The following MAST4 variants were observed in gnomAD, a reference collection of about 807,000 sequenced individuals.
MAST4 encodes the protein microtubule associated serine/threonine kinase family member 4, also known as microtubule-associated serine/threonine-protein kinase 4.
MAST4 carries 89 observed loss-of-function variants against 162.7 expected under a neutral mutation model. That is an observed-to-expected ratio of 0.55 (90% CI 0.46 to 0.65). The LOEUF (loss-of-function observed/expected upper bound fraction) is 0.65. Ranked by LOEUF, MAST4 falls within the 30% of genes least tolerant of loss-of-function variation. The probability of loss-of-function intolerance (pLI) is 0.00; values close to 1 mark genes in which losing one functional copy is unlikely to be tolerated. For missense variants in MAST4, 3,153 were observed against 3,374.0 expected, an observed-to-expected ratio of 0.93 and a Z score of 1.62; for synonymous variants, 1,479 against 1,361.1, an observed-to-expected ratio of 1.09 and a Z score of -1.91.
intron 4 of MAST4, among the ~76,000 whole-genome samples, chr5:66,921,206 G>C (rs565879437): frequency 6.6e-6 from 1 of 152,302 alleles, no homozygotes; most frequent in East Asian, 1.9e-4. Flanking sequence ...GGTTATGTTA[G>C]AGCCCCTAAG....
intron 14 of MAST4, among the ~76,000 whole-genome samples, chr5:67,123,404 C>T (rs903277198): frequency 3.9e-5 from 6 of 152,222 alleles, no homozygotes; most frequent in Non-Finnish European, 7.3e-5. Context: ...GGAAGTTAAA[C>T]GTGTCTTTTT....
At chr5:66,789,540 A>G (rs1214275896) in intron 3 of MAST4, among the ~76,000 whole-genome samples, 1 of 152,122 alleles carries the variant, frequency 6.6e-6, no homozygotes, top group Non-Finnish European at 1.5e-5. Flanking sequence ...TTTTAAGGGA[A>G]TATTTCTCAT....
At chr5:66,937,653 TCTA>T (rs770383552) in intron 4 of MAST4, among the ~76,000 whole-genome samples, 9 of 152,288 alleles carry the variant, frequency 5.9e-5, no homozygotes, top group East Asian at 3.9e-4. Flanking sequence ...AGTACGTTCA[TCTA>T]CTCATTTTTT....
chr5:66,979,629 A>C (rs1343706738), intron 4 of MAST4, among the ~76,000 whole-genome samples: 1 of 152,184 alleles, frequency 6.6e-6, no homozygotes, highest in Non-Finnish European at 1.5e-5. Context: ...GGGCTACTGG[A>C]ATTGAATGTC....
chr5:67,107,735 C>T (rs528811332), intron 10 of MAST4, among the ~76,000 whole-genome samples: 1 of 152,330 alleles, frequency 6.6e-6, no homozygotes, highest in South Asian at 2.1e-4. Context: ...GTTTGAGCAG[C>T]TTAATGCCTT....
At chr5:66,691,123 G>A (rs998304833) in intron 1 of MAST4, among the ~76,000 whole-genome samples, 3 of 152,132 alleles carry the variant, frequency 2.0e-5, no homozygotes, top group Admixed American at 6.5e-5. Flanking sequence ...AAATGGTGGA[G>A]CTGGAATTGC....
At chr5:67,066,523 G>A (rs976897648) in intron 5 of MAST4, among the ~76,000 whole-genome samples, 1 of 151,832 alleles carries the variant, frequency 6.6e-6, no homozygotes, top group South Asian at 2.1e-4. Context: ...TGTTTTGACT[G>A]TTTTTATATG....
chr5:66,921,610 A>G (rs1016769326), intron 4 of MAST4, among the ~76,000 whole-genome samples: 4 of 152,042 alleles, frequency 2.6e-5, no homozygotes, highest in Non-Finnish European at 4.4e-5. Context: ...AAATACAAAA[A>G]TTAGCCGGTA....
intron 1 of MAST4, among the ~76,000 whole-genome samples, chr5:66,612,686 G>A (rs1743371470): frequency 6.6e-6 from 1 of 152,156 alleles, no homozygotes; most frequent in African/African-American, 2.4e-5. Flanking sequence ...AGTGCCTACG[G>A]GGAGGGAACC....
chr5:66,605,106 C>G (rs1204312579), intron 1 of MAST4, among the ~76,000 whole-genome samples: 1 of 152,192 alleles, frequency 6.6e-6, no homozygotes, highest in Admixed American at 6.5e-5. Flanking sequence ...ATATCTACCT[C>G]CTACATAAGA....
At chr5:66,677,994 G>A (rs943950787) in intron 1 of MAST4, among the ~76,000 whole-genome samples, 8 of 152,158 alleles carry the variant, frequency 5.3e-5, no homozygotes, top group African/African-American at 9.7e-5. Flanking sequence ...GTGAAGTCAG[G>A]AAGAGTTTGA....
intron 1 of MAST4, among the ~76,000 whole-genome samples, chr5:66,690,799 A>C (rs1006127511): frequency 6.6e-6 from 1 of 152,172 alleles, no homozygotes; most frequent in Non-Finnish European, 1.5e-5. Context: ...TGATAACCTC[A>C]TTCCTGTTCT....
chr5:67,057,413 G>A (rs926446337), intron 5 of MAST4, among the ~76,000 whole-genome samples: 7 of 151,948 alleles, frequency 4.6e-5, no homozygotes, highest in Admixed American at 1.3e-4. Flanking sequence ...CGGACACATC[G>A]TTTGTACCTA....
chr5:67,108,889 A>C lies in MAST4; in HGVS notation c.1357-1209A>C, dbSNP rs1479081061. 5.3e-5 allele frequency among the ~76,000 whole-genome samples: 8 copies of C among 152,256 alleles called. No homozygotes were observed. The South Asian group carries it at 1.7e-3, about 32-fold the overall frequency. On this transcript the variant is annotated intron_variant, in intron 10 of 28. Coordinates refer to ENST00000403625, the MANE Select transcript of MAST4 (RefSeq NM_001164664.2). ...TGTTTATTACTGTGTTTGTGAAATT[A>C]TATTGTACCAGCATCACAATGAAAT...
At chr5:66,923,969 A>G (rs1012972765) in intron 4 of MAST4, among the ~76,000 whole-genome samples, 2 of 152,244 alleles carry the variant, frequency 1.3e-5, no homozygotes, top group Non-Finnish European at 2.9e-5. Context: ...GTCATAAAAG[A>G]GTTAGGTGGC....
At chr5:66,733,066 C>T (rs1195409684) in intron 1 of MAST4, among the ~76,000 whole-genome samples, 5 of 152,190 alleles carry the variant, frequency 3.3e-5, no homozygotes, top group African/African-American at 1.2e-4. Flanking sequence ...GGCCTTCCAA[C>T]TCCAAGTCTC....
At chr5:66,662,133 CAG>C (rs935270649) in intron 1 of MAST4, among the ~76,000 whole-genome samples, 4 of 151,458 alleles carry the variant, frequency 2.6e-5, no homozygotes, top group African/African-American at 9.7e-5. Flanking sequence ...GGGGATATAA[CAG>C]TGAAGAAAAC....
rs1483672449 is a variant in MAST4, at chr5:67,168,890, A to C, written c.*1839A>C. On this transcript the variant is annotated 3_prime_UTR_variant, in exon 29 of 29. Transcript: ENST00000403625. ...TGTAAAATGAATTGGCTTTGGGAAA[A>C]AGGAAAAAAACAAACAAAAAAAGAA... The C allele has an allele frequency of 6.6e-6, 1 of 152,184 alleles. No homozygotes were observed. The highest frequency in any genetic ancestry group is 1.5e-5 in the Non-Finnish European group (1 of 68,046). 9.4% of individuals were successfully genotyped at this position (152,184 alleles called of 1,614,324 possible).
At chr5:67,084,170 G>A (rs996310394) in intron 5 of MAST4, among the ~76,000 whole-genome samples, 2 of 152,056 alleles carry the variant, frequency 1.3e-5, no homozygotes, top group Admixed American at 1.3e-4. Flanking sequence ...TCTCTTCCAC[G>A]CCCTACATGT....
Sources: allele counts gnomAD v4.1 joint callset (sites outside exome capture counted in the v4.1 genomes callset), GRCh38; gene constraint gnomAD v4.1.1; transcripts MANE v1.5; gene names NCBI Gene and HGNC (gene_info 2026-07-23, HGNC 2026-07-21).